Variants in GALNTL6 observed in about 807,000 individuals in gnomAD.
GALNTL6 encodes polypeptide N-acetylgalactosaminyltransferase-like 6.
In GALNTL6, 46 loss-of-function variants were observed where a neutral mutation model predicts 73.7. The observed-to-expected ratio is 0.62, with a 90% CI of 0.49 to 0.80. The LOEUF is 0.80. GALNTL6 is among the 30% of genes least tolerant of loss of function. The probability of loss-of-function intolerance (pLI) is 0.00; values close to 1 mark genes in which losing one functional copy is unlikely to be tolerated. For synonymous variants in GALNTL6, 259 were observed against 263.7 expected, an observed-to-expected ratio of 0.98 and a Z score of 0.17; for missense variants, 604 against 755.0, an observed-to-expected ratio of 0.80 and a Z score of 2.34.
chr4:172,710,077 T>C (rs1048246713), intron 5 of GALNTL6, among the ~76,000 whole-genome samples: 5 of 152,108 alleles, frequency 3.3e-5, no homozygotes, highest in African/African-American at 9.7e-5. Context: ...TTAAAGAGTA[T>C]AAATTACTAT....
At chr4:172,350,069 T>A (rs1298645004) in intron 5 of GALNTL6, among the ~76,000 whole-genome samples, 1 of 152,124 alleles carries the variant, frequency 6.6e-6, no homozygotes, top group African/African-American at 2.4e-5. Flanking sequence ...AGGCTAAAGA[T>A]AGGTACTTAA....
intron 5 of GALNTL6, among the ~76,000 whole-genome samples, chr4:172,578,803 C>T (rs1047941769): frequency 6.6e-6 from 1 of 152,170 alleles, no homozygotes; most frequent in Non-Finnish European, 1.5e-5. Context: ...GTGTTTTTAT[C>T]TCTATGGATG....
At position 173,040,002 on chromosome 4, in the gene GALNTL6, A is replaced by C. The variant is rs150774264; in HGVS notation, c.1708A>C (p.Met570Leu). 171 of 1,613,668 alleles carry C rather than the reference A, an allele frequency of 1.1e-4. No homozygotes were observed. In the African/African-American group the frequency reaches 2.0e-3, roughly 19 times the overall value. Residue 570 changes from methionine (M) to leucine (L), a missense_variant, in exon 13 of 13, where the codon ATG becomes CTG. Coordinates refer to ENST00000506823, the MANE Select transcript of GALNTL6 (RefSeq NM_001034845.3). ...DCNPAEKKIF[M>L]ARCDPLSETQ... ...CAACCCCGCAGAGAAGAAGATTTTC[A>C]TGGCCAGATGTGACCCTCTCTCTGA...
intron 7 of GALNTL6, among the ~76,000 whole-genome samples, chr4:172,821,544 T>C (rs951605451): frequency 6.6e-6 from 1 of 152,210 alleles, no homozygotes; most frequent in African/African-American, 2.4e-5. Flanking sequence ...TAGACCAAAC[T>C]AGAGCTGATA....
intron 2 of GALNTL6, among the ~76,000 whole-genome samples, chr4:171,908,580 G>T (rs543106849): frequency 0.013 from 1,917 of 151,824 alleles, 23 homozygotes; most frequent in Middle Eastern, 0.034. Context: ...GTGGAAGTCA[G>T]TGTGGCGATT....
intron 8 of GALNTL6, among the ~76,000 whole-genome samples, chr4:172,895,820 C>CT (rs1265433977): frequency 6.6e-6 from 1 of 151,998 alleles, no homozygotes; most frequent in Non-Finnish European, 1.5e-5. Flanking sequence ...TATTCTTTTT[C>CT]TTTTTTCTCT....
At chr4:172,721,986 C>CTTT (rs11450428) in intron 5 of GALNTL6, among the ~76,000 whole-genome samples, 148 of 116,956 alleles carry the variant, frequency 1.3e-3, no homozygotes, top group East Asian at 0.012. Context: ...TGGCGGAAGG[C>CTTT]TTTTTTTTTT....
chr4:172,379,173 A>T (rs115569852), intron 5 of GALNTL6, among the ~76,000 whole-genome samples: 2 of 152,210 alleles, frequency 1.3e-5, no homozygotes, highest in Non-Finnish European at 2.9e-5. Flanking sequence ...TCTGGTTCAA[A>T]CAATCAAGCT....
At chr4:172,477,970 T>C (rs554814736) in intron 5 of GALNTL6, among the ~76,000 whole-genome samples, 1 of 152,270 alleles carries the variant, frequency 6.6e-6, no homozygotes, top group African/African-American at 2.4e-5. Flanking sequence ...GCTTTAGATA[T>C]CAGCCCAGAA....
intron 3 of GALNTL6, among the ~76,000 whole-genome samples, chr4:172,232,113 T>G (rs1324381524): frequency 1.3e-5 from 2 of 149,736 alleles, no homozygotes; most frequent in Non-Finnish European, 3.0e-5. Context: ...TACGTGTGTG[T>G]ACACACACAC....
intron 3 of GALNTL6, among the ~76,000 whole-genome samples, chr4:172,276,442 A>AT (rs1738835510): frequency 6.6e-6 from 1 of 152,202 alleles, no homozygotes; most frequent in African/African-American, 2.4e-5. Flanking sequence ...AAAGTGAACT[A>AT]TTTTAAAATT....
intron 5 of GALNTL6, among the ~76,000 whole-genome samples, chr4:172,709,376 A>C: frequency 6.6e-6 from 1 of 152,184 alleles, no homozygotes; most frequent in East Asian, 1.9e-4. Flanking sequence ...CAGTTGAAAA[A>C]GTTTATGGTG....
At chr4:171,876,510 T>C (rs17057529) in intron 2 of GALNTL6, among the ~76,000 whole-genome samples, 2,311 of 152,260 alleles carry the variant, frequency 0.015, 62 homozygotes, top group African/African-American at 0.053. Context: ...TTTTAAGAGT[T>C]GAAGTAACGT....
At chr4:172,552,837 T>TAAAAAAAAAA (rs397933315) in intron 5 of GALNTL6, among the ~76,000 whole-genome samples, 1,092 of 80,360 alleles carry the variant, frequency 0.014, 32 homozygotes, top group African/African-American at 0.016. Context: ...GTAATTGCAG[T>TAAAAAAAAAA]AAAAAAAAAA....
chr4:172,433,612 A>C (rs1411430231), intron 5 of GALNTL6, among the ~76,000 whole-genome samples: 1 of 152,074 alleles, frequency 6.6e-6, no homozygotes, highest in Non-Finnish European at 1.5e-5. Context: ...CCTGGCCTGA[A>C]ACCAAGGTTA....
chr4:172,255,883 G>C (rs55823187), intron 3 of GALNTL6, among the ~76,000 whole-genome samples: 2 of 151,388 alleles, frequency 1.3e-5, no homozygotes, highest in Non-Finnish European at 3.0e-5. Context: ...CAATTAAAAA[G>C]AAGGAAGAGG....
rs201213228 is a variant in GALNTL6 at position 172,206,803 on chromosome 4, C to CTGTTTGT, written c.139-22848_139-22847insGTTGTTT. Among the ~76,000 whole-genome samples the CTGTTTGT allele has an allele frequency of 6.1e-3, 82 of 13,432 alleles. 3 individuals carry two copies. The highest frequency in any genetic ancestry group is 0.012 in the African/African-American group (79 of 6,416). The allele number at this position is 13,432 out of a possible 152,430, so 8.8% of individuals were successfully genotyped here. A position where few individuals can be genotyped will look rare whatever the true frequency, so the allele number is the denominator to read the frequency against. On this transcript the variant is annotated intron_variant, in intron 2 of 12. Transcript: ENST00000506823. Reference sequence around the variant, plus strand: ...TTTTGTTTTGTTTTGTTTTGTTTTTCTGTTTTTTTTGTTTGTTTTTTTTTT... The same window carrying CTGTTTGT: ...TTTTGTTTTGTTTTGTTTTGTTTTTCTGTTTGTTGTTTTTTTTGTTTGTTTTTTTTTT...
At chr4:171,913,654 CA>C (rs1189942900) in intron 2 of GALNTL6, among the ~76,000 whole-genome samples, 1 of 152,094 alleles carries the variant, frequency 6.6e-6, no homozygotes, top group Admixed American at 6.5e-5. Flanking sequence ...GAGAAAATGT[CA>C]AATTATATCA....
At chr4:172,587,209 G>A (rs903650854) in intron 5 of GALNTL6, among the ~76,000 whole-genome samples, 3 of 152,172 alleles carry the variant, frequency 2.0e-5, no homozygotes, top group Non-Finnish European at 4.4e-5. Flanking sequence ...GGAAACCATA[G>A]ACTTCTAGAC....
Sources: gnomAD v4.1 joint callset for allele counts (sites outside exome capture counted in the v4.1 genomes callset) on GRCh38, gnomAD v4.1.1 for gene constraint, MANE v1.5 for transcripts, NCBI Gene and HGNC (gene_info 2026-07-23, HGNC 2026-07-21) for gene names.